The following SLC35F3 variants were observed in gnomAD, a reference collection of about 807,000 sequenced individuals.
SLC35F3 encodes putative thiamine transporter SLC35F3.
In SLC35F3, 25 loss-of-function variants were observed where a neutral mutation model predicts 49.9. The observed-to-expected ratio is 0.50, with a 90% CI of 0.37 to 0.70. The LOEUF is 0.70. Ranked by LOEUF, SLC35F3 falls within the 30% of genes least tolerant of loss-of-function variation. The probability of loss-of-function intolerance (pLI) is 0.00; values close to 1 mark genes in which losing one functional copy is unlikely to be tolerated. For missense variants in SLC35F3, 525 were observed against 639.8 expected, an observed-to-expected ratio of 0.82 and a Z score of 1.94; for synonymous variants, 275 against 265.4, an observed-to-expected ratio of 1.04 and a Z score of -0.35.
intron 2 of SLC35F3, among the ~76,000 whole-genome samples, chr1:233,971,784 C>T (rs1250862808): frequency 1.3e-5 from 2 of 151,982 alleles, no homozygotes; most frequent in South Asian, 4.2e-4. Context: ...AATGGGACCA[C>T]GGTTGACCAA....
intron 3 of SLC35F3, among the ~76,000 whole-genome samples, chr1:234,303,094 C>T (rs952875910): frequency 6.6e-6 from 1 of 151,996 alleles, no homozygotes; most frequent in Non-Finnish European, 1.5e-5. Flanking sequence ...TCTATCTCAC[C>T]CTACCCTTTC....
chr1:234,299,751 G>A (rs1484813650), intron 3 of SLC35F3, among the ~76,000 whole-genome samples: 1 of 138,562 alleles, frequency 7.2e-6, no homozygotes, highest in African/African-American at 2.8e-5. Context: ...TTTGCAGTGA[G>A]CTGAGATTGC....
At chr1:233,948,241 G>A (rs534061286) in intron 2 of SLC35F3, among the ~76,000 whole-genome samples, 1 of 150,526 alleles carries the variant, frequency 6.6e-6, no homozygotes, top group East Asian at 2.0e-4. Flanking sequence ...GAGAGAGAGA[G>A]AGAGAGAGAG....
chr1:234,306,776 A>G (rs1657201227), intron 3 of SLC35F3, among the ~76,000 whole-genome samples: 1 of 152,164 alleles, frequency 6.6e-6, no homozygotes, highest in Admixed American at 6.5e-5. Context: ...TCTCCATCCC[A>G]TCTACAATGA....
chr1:234,112,256 T>G (rs1330756855), intron 2 of SLC35F3, among the ~76,000 whole-genome samples: 1 of 152,036 alleles, frequency 6.6e-6, no homozygotes, highest in African/African-American at 2.4e-5. Context: ...GAGGCTGAGG[T>G]AGGAGGATTC....
chr1:233,946,644 G>T (rs1211272777), intron 2 of SLC35F3, among the ~76,000 whole-genome samples: 1 of 152,122 alleles, frequency 6.6e-6, no homozygotes, highest in Non-Finnish European at 1.5e-5. Context: ...GCTTGTTATG[G>T]TCAGTGGATG....
chr1:234,230,654 A>G (rs1038167264), intron 2 of SLC35F3, among the ~76,000 whole-genome samples: 2 of 152,230 alleles, frequency 1.3e-5, no homozygotes, highest in African/African-American at 4.8e-5. Context: ...ACTGCCGCAG[A>G]GCCAAGCTTT....
intron 2 of SLC35F3, among the ~76,000 whole-genome samples, chr1:234,003,560 G>A (rs1388232299): frequency 1.3e-5 from 2 of 152,098 alleles, no homozygotes; most frequent in African/African-American, 4.8e-5. Context: ...AAAAAATGTG[G>A]CAGTATATTT....
At chr1:234,167,206 G>T (rs1421971477) in intron 2 of SLC35F3, among the ~76,000 whole-genome samples, 1 of 152,194 alleles carries the variant, frequency 6.6e-6, no homozygotes, top group East Asian at 1.9e-4. Context: ...TTCCAGAATT[G>T]GGATGAAAAT....
chr1:234,091,513 G>T (rs1049827021), intron 2 of SLC35F3, among the ~76,000 whole-genome samples: 1 of 152,170 alleles, frequency 6.6e-6, no homozygotes, highest in Non-Finnish European at 1.5e-5. Context: ...GTCTGTTCAT[G>T]CATCTCCAAC....
intron 3 of SLC35F3, among the ~76,000 whole-genome samples, chr1:234,295,305 A>T (rs1216717398): frequency 6.6e-6 from 1 of 152,232 alleles, no homozygotes; most frequent in Non-Finnish European, 1.5e-5. Flanking sequence ...CACGTTCTTG[A>T]ATATCTGTGG....
intron 3 of SLC35F3, chr1:234,285,000 T>C (rs1416517911): frequency 1.7e-5 from 3 of 174,764 alleles, no homozygotes; most frequent in Non-Finnish European, 3.6e-5. Flanking sequence ...AATCAGACTA[T>C]AGATGTTCCA....
chr1:234,187,310 T>A (rs1666656872), intron 2 of SLC35F3, among the ~76,000 whole-genome samples: 1 of 152,102 alleles, frequency 6.6e-6, no homozygotes, highest in African/African-American at 2.4e-5. Flanking sequence ...GCAAAGTTGT[T>A]CAAGAAGTGA....
At chr1:233,933,666 C>T (rs1226678511) in intron 2 of SLC35F3, among the ~76,000 whole-genome samples, 2 of 152,112 alleles carry the variant, frequency 1.3e-5, no homozygotes, top group Non-Finnish European at 2.9e-5. Context: ...GCCTGTCCAA[C>T]ATGGCAAAAA....
chr1:234,289,667 A>G (rs957912462), intron 3 of SLC35F3, among the ~76,000 whole-genome samples: 1 of 152,226 alleles, frequency 6.6e-6, no homozygotes, highest in African/African-American at 2.4e-5. Context: ...AACAGAACCA[A>G]AACTGTGAGC....
chr1:233,996,386 G>C (rs1461774390), intron 2 of SLC35F3, among the ~76,000 whole-genome samples: 1 of 152,142 alleles, frequency 6.6e-6, no homozygotes, highest in African/African-American at 2.4e-5. Context: ...ATTTGAGGAG[G>C]ATCTTGGAAC....
chr1:234,071,491 C>T (rs1664711560), intron 2 of SLC35F3, among the ~76,000 whole-genome samples: 1 of 152,144 alleles, frequency 6.6e-6, no homozygotes, highest in Non-Finnish European at 1.5e-5. Context: ...CCTTACGTGA[C>T]CAAATTCATG....
At chr1:234,161,910 C>G (rs533204639) in intron 2 of SLC35F3, among the ~76,000 whole-genome samples, 1 of 152,274 alleles carries the variant, frequency 6.6e-6, no homozygotes, top group Non-Finnish European at 1.5e-5. Flanking sequence ...TTGATGTGTA[C>G]TTTCCTCCCC....
intron 3 of SLC35F3, among the ~76,000 whole-genome samples, chr1:234,268,356 GTC>G (rs1572125676): frequency 2.4e-4 from 2 of 8,316 alleles, no homozygotes; most frequent in Non-Finnish European, 6.2e-4. Context: ...TCGGCAGGCT[GTC>G]AGGAGAATCA....
Sources: gnomAD v4.1 joint callset for allele counts (sites outside exome capture counted in the v4.1 genomes callset) on GRCh38, gnomAD v4.1.1 for gene constraint, MANE v1.5 for transcripts, NCBI Gene and HGNC (gene_info 2026-07-23, HGNC 2026-07-21) for gene names.